The following GNAQ variants were observed in gnomAD, a reference collection of about 807,000 sequenced individuals.
The protein encoded by GNAQ is G protein subunit alpha q, also known as guanine nucleotide-binding protein G(q) subunit alpha.
In GNAQ, 8 loss-of-function variants were observed where a neutral mutation model predicts 43.9. The ratio of observed to expected loss-of-function variants is 0.18; its 90% CI spans 0.11 to 0.33. The LOEUF (loss-of-function observed/expected upper bound fraction) is 0.33. Among genes scored for constraint, GNAQ ranks in the 10% least tolerant of loss-of-function variants. The pLI is 1.00. For missense variants in GNAQ, 158 were observed against 450.8 expected (o/e 0.35, Z 5.88); for synonymous variants, 155 against 170.7 (o/e 0.91, Z 0.71).
intron 4 of GNAQ, 66 bp downstream of exon 4, chr9:77,797,454 T>A (rs1417139371): frequency 8.3e-7 from 1 of 1,199,074 alleles, no homozygotes; most frequent in Non-Finnish European, 1.2e-6. Flanking sequence ...CCAGTATTTA[T>A]AGAGTTTACC....
At chr9:77,894,907 T>C (rs1465740341) in intron 2 of GNAQ, among the ~76,000 whole-genome samples, 2 of 151,642 alleles carry the variant, frequency 1.3e-5, no homozygotes, top group African/African-American at 4.8e-5. Context: ...AAAAAAAGAA[T>C]GGCAGTGGCC....
chr9:77,759,939 T>C (rs1825966490), intron 5 of GNAQ, among the ~76,000 whole-genome samples: 1 of 151,234 alleles, frequency 6.6e-6, no homozygotes, highest in Non-Finnish European at 1.5e-5. Flanking sequence ...TTTTCTTTTT[T>C]TTTTGAGACA....
At chr9:77,786,611 A>G (rs554579300) in intron 5 of GNAQ, among the ~76,000 whole-genome samples, 6 of 152,292 alleles carry the variant, frequency 3.9e-5, no homozygotes, top group Non-Finnish European at 7.4e-5. Context: ...CCAGGAAGAT[A>G]TGCCTGAGTA....
rs1825239458 is a variant in GNAQ, at chr9:77,717,209, T to C, written c.*4114A>G. 1 of 232,234 alleles carries C rather than the reference T, an allele frequency of 4.3e-6. No homozygotes were observed. The highest frequency in any genetic ancestry group is 1.8e-4 in the South Asian group (1 of 5,524). 14.4% of individuals were successfully genotyped at this position (232,234 alleles called of 1,614,324 possible). On this transcript the variant is annotated 3_prime_UTR_variant, in exon 7 of 7. Transcript: ENST00000286548. ...TTTTTTGTGTTTCTAACCAAAGATA[T>C]ATCTTTGGAAGAAAATATTAATGTA...
intron 1 of GNAQ, among the ~76,000 whole-genome samples, chr9:77,958,787 T>C (rs1411774316): frequency 6.6e-6 from 1 of 152,098 alleles, no homozygotes; most frequent in East Asian, 1.9e-4. Flanking sequence ...GCCAATCAAA[T>C]GCAATGGGGG....
chr9:77,949,000 A>G (rs911854920), intron 1 of GNAQ, among the ~76,000 whole-genome samples: 2 of 152,194 alleles, frequency 1.3e-5, no homozygotes, highest in African/African-American at 2.4e-5. Flanking sequence ...GGTCTCCCCA[A>G]GAGGATCTCA....
intron 2 of GNAQ, among the ~76,000 whole-genome samples, chr9:77,854,382 T>C (rs1341539224): frequency 6.6e-6 from 1 of 152,174 alleles, no homozygotes; most frequent in East Asian, 1.9e-4. Flanking sequence ...TCTGAAAATA[T>C]GTGCTATTGT....
intron 5 of GNAQ, among the ~76,000 whole-genome samples, chr9:77,765,317 C>T (rs1042782698): frequency 2.6e-5 from 4 of 152,078 alleles, no homozygotes; most frequent in Non-Finnish European, 2.9e-5. Context: ...AATTTAAAAA[C>T]GGATATCACC....
Position 77,717,666 on chromosome 9 carries a change from T to C in GNAQ, c.*3657A>G, listed in dbSNP as rs1267153864. On this transcript the variant is annotated 3_prime_UTR_variant, in exon 7 of 7. Coordinates refer to ENST00000286548, the MANE Select transcript of GNAQ (RefSeq NM_002072.5). ...CTTTGACAATCAAGATAGTCTGAAGTACAAAAAAGTAAATTGCCCTTTAGC... is the reference window on the plus strand; with the variant it reads ...CTTTGACAATCAAGATAGTCTGAAGCACAAAAAAGTAAATTGCCCTTTAGC... The C allele has an allele frequency of 1.3e-5, 3 of 231,650 alleles. No homozygotes were observed. The highest frequency in any genetic ancestry group is 2.6e-5 in the Non-Finnish European group (3 of 117,524). 14.3% of individuals were successfully genotyped at this position (231,650 alleles called of 1,614,324 possible). A position where few individuals can be genotyped will look rare whatever the true frequency, so the allele number is the denominator to read the frequency against.
chr9:77,979,331 G>A (rs1823340655), intron 1 of GNAQ, among the ~76,000 whole-genome samples: 1 of 150,412 alleles, frequency 6.6e-6, no homozygotes, highest in African/African-American at 2.5e-5. Context: ...ACTCCAGCCT[G>A]GGCAACAAGA....
chr9:77,788,359 T>A (rs991468299), intron 5 of GNAQ, among the ~76,000 whole-genome samples: 1 of 151,790 alleles, frequency 6.6e-6, no homozygotes, highest in Non-Finnish European at 1.5e-5. Flanking sequence ...TGTAGCAACA[T>A]GAAAAAAAAT....
intron 5 of GNAQ, among the ~76,000 whole-genome samples, chr9:77,740,073 CA>C (rs1825630486): frequency 6.6e-6 from 1 of 152,108 alleles, no homozygotes; most frequent in African/African-American, 2.4e-5. Flanking sequence ...ATAAATAACC[CA>C]AAACAATTCA....
intron 1 of GNAQ, among the ~76,000 whole-genome samples, chr9:77,934,847 C>A (rs1470523655): frequency 6.6e-6 from 1 of 152,150 alleles, no homozygotes; most frequent in Non-Finnish European, 1.5e-5. Flanking sequence ...AAAATTAGGG[C>A]CGGGTGCGGT....
chr9:77,900,438 CTA>C (rs1442167087), intron 2 of GNAQ, among the ~76,000 whole-genome samples: 1 of 152,192 alleles, frequency 6.6e-6, no homozygotes, highest in African/African-American at 2.4e-5. Flanking sequence ...TGTGGGATAA[CTA>C]TACGGAATCT....
intron 5 of GNAQ, among the ~76,000 whole-genome samples, chr9:77,760,469 G>T (rs577245843): frequency 3.3e-5 from 5 of 152,202 alleles, no homozygotes; most frequent in South Asian, 4.2e-4. Flanking sequence ...TCGGCCTCTG[G>T]AGGTGCCGGG....
chr9:77,849,621 C>G (rs773947221), intron 2 of GNAQ, among the ~76,000 whole-genome samples: 5 of 152,168 alleles, frequency 3.3e-5, no homozygotes, highest in Non-Finnish European at 7.3e-5. Context: ...CCACCTCCAC[C>G]ACAGTTCCAC....
chr9:78,008,923 C>T (rs1195773013), intron 1 of GNAQ, among the ~76,000 whole-genome samples: 2 of 152,108 alleles, frequency 1.3e-5, no homozygotes, highest in Non-Finnish European at 2.9e-5. Flanking sequence ...AGCCAACTAT[C>T]GAATTTCTTA....
chr9:77,967,677 G>A (rs1163847578), intron 1 of GNAQ, among the ~76,000 whole-genome samples: 1 of 152,114 alleles, frequency 6.6e-6, no homozygotes, highest in East Asian at 1.9e-4. Context: ...AATGGGGAGT[G>A]ACTGTTAAAA....
At chr9:77,770,513 A>G (rs1177934134) in intron 5 of GNAQ, among the ~76,000 whole-genome samples, 5 of 152,214 alleles carry the variant, frequency 3.3e-5, no homozygotes, top group Non-Finnish European at 7.3e-5. Context: ...TTTGTCGGAA[A>G]AGATCCTCCC....
Sources: allele counts gnomAD v4.1 joint callset (sites outside exome capture counted in the v4.1 genomes callset), GRCh38; gene constraint gnomAD v4.1.1; transcripts MANE v1.5; gene names NCBI Gene and HGNC (gene_info 2026-07-23, HGNC 2026-07-21).